Variants in PRDM5 observed in about 807,000 individuals in gnomAD.
PRDM5 encodes PR/SET domain 5, also known as PR domain zinc finger protein 5.
PRDM5 carries 56 observed loss-of-function variants against 81.2 expected under a neutral mutation model. The ratio of observed to expected loss-of-function variants is 0.69; its 90% confidence interval spans 0.56 to 0.86. The LOEUF (loss-of-function observed/expected upper bound fraction) is 0.86, where lower values mean the gene tolerates loss of function less well. Ranked by LOEUF, PRDM5 falls within the 40% of genes least tolerant of loss-of-function variation. PRDM5 has a pLI of 0.00. For synonymous variants in PRDM5, 267 were observed against 256.4 expected, an observed-to-expected ratio of 1.04 and a Z score of -0.39; for missense variants, 697 against 770.1, an observed-to-expected ratio of 0.91 and a Z score of 1.12.
chr4:120,696,377 A>T lies in PRDM5; in HGVS notation c.1729-1102T>A, dbSNP rs1349960546. 3.3e-5 allele frequency among the ~76,000 whole-genome samples: 5 copies of T among 151,830 alleles called. 1 individual carries two copies. The South Asian group carries it at 8.3e-4, about 25-fold the overall frequency. ...CTTTCTGTCCCACTGTAATTTACCT[A>T]CTCTCTTGTTTAGTGTCTCTCTCTA... On this transcript the variant is annotated intron_variant, in intron 15 of 15. Transcript: ENST00000264808.
chr4:120,715,812 C>T lies in PRDM5; in HGVS notation c.1624-5399G>A, dbSNP rs1032605650. Among the ~76,000 whole-genome samples, 31 of 152,256 alleles carry T rather than the reference C, an allele frequency of 2.0e-4. 1 individual carries two copies. The highest frequency in any genetic ancestry group is 1.6e-3 in the Admixed American group (24 of 15,292). On this transcript the variant is annotated intron_variant, in intron 14 of 15. Coordinates refer to ENST00000264808, the MANE Select transcript of PRDM5 (RefSeq NM_018699.4). Reference sequence around the variant, plus strand: ...TGACAGGTGAGGGTTTTGCAGAGAACATCCTAAGACAGAACTGTCAAAATG... The same window carrying T: ...TGACAGGTGAGGGTTTTGCAGAGAATATCCTAAGACAGAACTGTCAAAATG...
At chr4:120,839,863 C>G (rs343173) in intron 3 of PRDM5, among the ~76,000 whole-genome samples, 118,334 of 152,204 alleles carry the variant, frequency 0.78, 46,224 homozygotes, top group East Asian at 0.87. Flanking sequence ...CCCAAGTCTG[C>G]AGCGGGGGAG....
intron 2 of PRDM5, among the ~76,000 whole-genome samples, chr4:120,859,209 CT>C (rs373788259): frequency 6.2e-3 from 836 of 134,562 alleles, no homozygotes; most frequent in Non-Finnish European, 7.1e-3. Flanking sequence ...ACCATGTCAA[CT>C]TTTTTTTTTT....
chr4:120,748,881 G>A (rs778330257), intron 14 of PRDM5, among the ~76,000 whole-genome samples: 3 of 152,000 alleles, frequency 2.0e-5, no homozygotes, highest in Non-Finnish European at 2.9e-5. Flanking sequence ...ATAGCAAAAC[G>A]GCCTAAGTTC....
At chr4:120,713,476 A>C (rs1737306425) in intron 14 of PRDM5, among the ~76,000 whole-genome samples, 1 of 152,154 alleles carries the variant, frequency 6.6e-6, no homozygotes, top group Non-Finnish European at 1.5e-5. Context: ...TCCAACATTT[A>C]TTTTGTGCAC....
chr4:120,894,453 C>A (rs1183026216), intron 2 of PRDM5, among the ~76,000 whole-genome samples: 1 of 152,142 alleles, frequency 6.6e-6, no homozygotes, highest in Admixed American at 6.5e-5. Context: ...GAAGAGCTCC[C>A]TTTACTTTAA....
intron 3 of PRDM5, among the ~76,000 whole-genome samples, chr4:120,837,136 A>G (rs1027771533): frequency 2.0e-5 from 3 of 152,174 alleles, no homozygotes; most frequent in Non-Finnish European, 4.4e-5. Flanking sequence ...AAAGGACAGG[A>G]TACTACAACT....
chr4:120,717,487 T>C (rs757682652), intron 14 of PRDM5, among the ~76,000 whole-genome samples: 54 of 152,236 alleles, frequency 3.5e-4, no homozygotes, highest in Non-Finnish European at 7.1e-4. Flanking sequence ...CTTCAAATGT[T>C]ACATTTTTTT....
At chr4:120,840,870 T>C (rs1436642541) in intron 3 of PRDM5, among the ~76,000 whole-genome samples, 4 of 152,102 alleles carry the variant, frequency 2.6e-5, no homozygotes, top group Non-Finnish European at 5.9e-5. Context: ...TCCACTGCCA[T>C]CACTATAAGA....
intron 13 of PRDM5, among the ~76,000 whole-genome samples, chr4:120,774,902 A>ATGTATGTATATG (rs1553963975): frequency 0.04 from 5,910 of 146,042 alleles, 273 homozygotes; most frequent in Middle Eastern, 0.14. Context: ...ATATATATAT[A>ATGTATGTATATG]TATATGTATA....
At chr4:120,883,823 C>A (rs1471970110) in intron 2 of PRDM5, among the ~76,000 whole-genome samples, 1 of 152,194 alleles carries the variant, frequency 6.6e-6, no homozygotes, top group Non-Finnish European at 1.5e-5. Context: ...TGAAACTTTG[C>A]ACAAGATATT....
At chr4:120,852,534 A>T (rs1392900086) in intron 3 of PRDM5, among the ~76,000 whole-genome samples, 1 of 152,056 alleles carries the variant, frequency 6.6e-6, no homozygotes, top group Non-Finnish European at 1.5e-5. Flanking sequence ...TCCAAGTGGG[A>T]TATCAGCTCT....
chr4:120,790,961 A>T lies in PRDM5; in HGVS notation c.1189-5870T>A, dbSNP rs115986828. ...TTGTCAAAAACAAACAAACAAAAAA[A>T]CAGAAAAACACACATACAATTTTAC... On this transcript the variant is annotated intron_variant, in intron 10 of 15. Transcript: ENST00000264808. Among the ~76,000 whole-genome samples, 1,351 of 144,258 alleles carry T rather than the reference A, an allele frequency of 9.4e-3. 13 individuals carry two copies. The highest frequency in any genetic ancestry group is 0.03 in the African/African-American group (1,245 of 41,318). The allele number at this position is 144,258 out of a possible 152,430, so 94.6% of individuals were successfully genotyped here. A position where few individuals can be genotyped will look rare whatever the true frequency, so the allele number is the denominator to read the frequency against.
intron 3 of PRDM5, among the ~76,000 whole-genome samples, chr4:120,835,266 G>A (rs1357368012): frequency 1.3e-5 from 2 of 152,286 alleles, no homozygotes; most frequent in African/African-American, 4.8e-5. Flanking sequence ...TGACGACAAA[G>A]AGCAGCACAG....
At chr4:120,733,348 C>T (rs1253936578) in intron 14 of PRDM5, among the ~76,000 whole-genome samples, 1 of 152,170 alleles carries the variant, frequency 6.6e-6, no homozygotes, top group Non-Finnish European at 1.5e-5. Flanking sequence ...CAGTTCTCAA[C>T]AACGCACACC....
At chr4:120,916,549 CAT>C (rs1169785847) in intron 1 of PRDM5, among the ~76,000 whole-genome samples, 1 of 152,070 alleles carries the variant, frequency 6.6e-6, no homozygotes, top group Non-Finnish European at 1.5e-5. Context: ...AGATTTATAA[CAT>C]AAAACATAAA....
At chr4:120,711,959 T>C (rs1451219390) in intron 14 of PRDM5, among the ~76,000 whole-genome samples, 2 of 152,220 alleles carry the variant, frequency 1.3e-5, no homozygotes, top group African/African-American at 4.8e-5. Flanking sequence ...AGATCCATTT[T>C]TTTAATCAAA....
At chr4:120,877,794 G>T (rs953089262) in intron 2 of PRDM5, among the ~76,000 whole-genome samples, 5 of 152,152 alleles carry the variant, frequency 3.3e-5, no homozygotes, top group African/African-American at 1.2e-4. Flanking sequence ...GACAAAGCAA[G>T]ACTCCGTCTC....
intron 10 of PRDM5, among the ~76,000 whole-genome samples, chr4:120,789,571 T>G (rs1282971510): frequency 1.3e-5 from 2 of 152,194 alleles, no homozygotes; most frequent in African/African-American, 4.8e-5. Context: ...CTAGAACGAT[T>G]ATTTTTATAG....
Sources: allele counts gnomAD v4.1 joint callset (sites outside exome capture counted in the v4.1 genomes callset), GRCh38; gene constraint gnomAD v4.1.1; transcripts MANE v1.5; gene names NCBI Gene and HGNC (gene_info 2026-07-23, HGNC 2026-07-21).